RPA3: variants seen among roughly 807,000 people sequenced by gnomAD.
RPA3 encodes the protein replication protein A 14 kDa subunit.
Under a neutral mutation model 13.7 loss-of-function variants are expected in RPA3, and 24 were observed. The ratio of observed to expected loss-of-function variants is 1.75; its 90% CI spans 1.27 to 2.46. RPA3 has a LOEUF of 2.46. Ranked by LOEUF, RPA3 falls within the 30% of genes most tolerant of loss-of-function variation. RPA3 has a pLI of 0.00. For synonymous variants in RPA3, 59 were observed against 51.2 expected (o/e 1.15, Z -0.65); for missense variants, 183 against 151.0 (o/e 1.21, Z -1.11).
chr7:7,662,170 C>T lies in RPA3; in HGVS notation c.-757-20995G>A, dbSNP rs546341481. Among the ~76,000 whole-genome samples the T allele has an allele frequency of 7.5e-4, 114 of 152,224 alleles. 2 individuals carry two copies. Among genetic ancestry groups the T allele is most frequent in the Admixed American group, 1.8e-3 (28 of 15,300 alleles). ...CAGATGCCCTTCCCCCCACCAAGCT[C>T]GAGTGTCCCAGGTCAGCTTCAGGTT... On this transcript the variant is annotated intron_variant, in intron 4 of 7. Transcript: ENST00000223129.
chr7:7,709,818 A>G (rs1209190650), intron 2 of RPA3, among the ~76,000 whole-genome samples: 4 of 152,130 alleles, frequency 2.6e-5, no homozygotes, highest in Non-Finnish European at 5.9e-5. Flanking sequence ...ATTCAGAATG[A>G]CAATGTGATG....
intron 4 of RPA3, among the ~76,000 whole-genome samples, chr7:7,683,896 T>TA (rs576815651): frequency 6.7e-4 from 102 of 152,344 alleles, no homozygotes; most frequent in Non-Finnish European, 1.2e-3. Flanking sequence ...CAGCTGGGAT[T>TA]ATAGGCGTGA....
At chr7:7,690,911 T>A (rs906150993) in intron 2 of RPA3, among the ~76,000 whole-genome samples, 4 of 152,230 alleles carry the variant, frequency 2.6e-5, no homozygotes, top group Non-Finnish European at 5.9e-5. Flanking sequence ...ACATCAAATA[T>A]ATTTTAATGT....
At chr7:7,686,328 T>G (rs1780040545) in intron 3 of RPA3, among the ~76,000 whole-genome samples, 3 of 152,184 alleles carry the variant, frequency 2.0e-5, no homozygotes, top group Admixed American at 1.3e-4. Context: ...GGGCCTTGTG[T>G]GGCCTTCTCA....
chr7:7,654,586 C>G (rs1271411462), intron 4 of RPA3, among the ~76,000 whole-genome samples: 7 of 152,118 alleles, frequency 4.6e-5, no homozygotes, highest in Non-Finnish European at 7.4e-5. Context: ...CTTAGAATAT[C>G]TAACTCTGTG....
chr7:7,685,085 T>C (rs1320049579), intron 4 of RPA3, among the ~76,000 whole-genome samples: 2 of 152,176 alleles, frequency 1.3e-5, no homozygotes, highest in Non-Finnish European at 2.9e-5. Flanking sequence ...ATTAAAGATA[T>C]AGATAATGAG....
At chr7:7,698,383 C>A (rs1320708024) in intron 2 of RPA3, among the ~76,000 whole-genome samples, 1 of 152,168 alleles carries the variant, frequency 6.6e-6, no homozygotes, top group East Asian at 1.9e-4. Context: ...TCAATTTCAA[C>A]CAAACTGGTA....
intron 4 of RPA3, among the ~76,000 whole-genome samples, chr7:7,654,134 CA>C (rs1168222557): frequency 1.3e-5 from 2 of 152,202 alleles, no homozygotes; most frequent in Non-Finnish European, 2.9e-5. Context: ...GACCATAGGG[CA>C]TTCAATTAAA....
At chr7:7,673,698 T>G (rs1779668995) in intron 4 of RPA3, among the ~76,000 whole-genome samples, 1 of 99,362 alleles carries the variant, frequency 1.0e-5, no homozygotes, top group Non-Finnish European at 2.1e-5. Context: ...TAAAATCACT[T>G]CTTTTTCCCC....
chr7:7,686,353 A>T (rs1281820487), intron 3 of RPA3, among the ~76,000 whole-genome samples: 2 of 152,196 alleles, frequency 1.3e-5, no homozygotes, highest in Admixed American at 1.3e-4. Context: ...TTAGAATGTT[A>T]TCCCATTGGC....
intron 2 of RPA3, among the ~76,000 whole-genome samples, chr7:7,713,599 C>A (rs925647413): frequency 1.4e-4 from 21 of 151,650 alleles, no homozygotes; most frequent in Admixed American, 7.2e-4. Context: ...CTTGCTCTTA[C>A]CTTAATTATT....
rs116484547 is a variant in RPA3, at chr7:7,667,380, T to C, written c.-758+18450A>G. ...GGCGGAAGTCCAGCTGTCAAGGCCATGCATATCAGAAGCAAGAGTGCTTAG... is the reference window on the plus strand; with the variant it reads ...GGCGGAAGTCCAGCTGTCAAGGCCACGCATATCAGAAGCAAGAGTGCTTAG... On this transcript the variant is annotated intron_variant, in intron 4 of 7. Transcript: ENST00000223129. Among the ~76,000 whole-genome samples, 787 of 152,296 alleles carry C rather than the reference T, an allele frequency of 5.2e-3. 8 individuals are homozygous for C. The highest frequency in any genetic ancestry group is 0.018 in the African/African-American group (759 of 41,552).
chr7:7,685,409 A>G (rs1368760101), intron 4 of RPA3, among the ~76,000 whole-genome samples: 1 of 151,224 alleles, frequency 6.6e-6, no homozygotes, highest in African/African-American at 2.4e-5. Flanking sequence ...TCATGGGTTC[A>G]AGCGATTCTC....
intron 4 of RPA3, among the ~76,000 whole-genome samples, chr7:7,643,304 A>G (rs544510881): frequency 6.6e-6 from 1 of 152,362 alleles, no homozygotes; most frequent in African/African-American, 2.4e-5. Flanking sequence ...GAAGCCTCAG[A>G]TGGGCGTGCA....
intron 4 of RPA3, among the ~76,000 whole-genome samples, chr7:7,677,934 A>C (rs1189388639): frequency 6.6e-6 from 1 of 151,600 alleles, no homozygotes; most frequent in Non-Finnish European, 1.5e-5. Context: ...CGGCCTCCCA[A>C]AGTGCTGGGA....
chr7:7,650,552 GAC>G (rs1383266312), intron 4 of RPA3, among the ~76,000 whole-genome samples: 3 of 152,172 alleles, frequency 2.0e-5, no homozygotes, highest in African/African-American at 7.2e-5. Context: ...ATGGCTGCAG[GAC>G]AGTGTGAATG....
At chr7:7,717,060 C>CTTTTTTTTTTT (rs766644906) in intron 1 of RPA3, among the ~76,000 whole-genome samples, 1 of 141,602 alleles carries the variant, frequency 7.1e-6, no homozygotes, top group African/African-American at 2.6e-5. Context: ...TTCTTTTTTT[C>CTTTTTTTTTTT]TTTTTTTTTT....
At chr7:7,706,107 AG>A (rs1317121119) in intron 2 of RPA3, among the ~76,000 whole-genome samples, 1 of 152,224 alleles carries the variant, frequency 6.6e-6, no homozygotes, top group Non-Finnish European at 1.5e-5. Context: ...TGATGGAGTC[AG>A]GATGCTACAA....
intron 2 of RPA3, among the ~76,000 whole-genome samples, chr7:7,694,709 A>G (rs76722814): frequency 7.0e-4 from 106 of 152,358 alleles, no homozygotes; most frequent in African/African-American, 2.5e-3. Flanking sequence ...GTTGTAAATG[A>G]CAGGATCTCA....
Sources: allele counts gnomAD v4.1 joint callset (sites outside exome capture counted in the v4.1 genomes callset), GRCh38; gene constraint gnomAD v4.1.1; transcripts MANE v1.5; gene names NCBI Gene and HGNC (gene_info 2026-07-23, HGNC 2026-07-21).